Variants in MAST4 observed in about 807,000 individuals in gnomAD.
MAST4 encodes the protein microtubule associated serine/threonine kinase family member 4.
A neutral mutation model predicts 162.7 loss-of-function variants in MAST4; 89 were observed. The ratio of observed to expected loss-of-function variants is 0.55; its 90% CI spans 0.46 to 0.65. The LOEUF is 0.65. MAST4 is among the 30% of genes least tolerant of loss of function. MAST4 has a pLI of 0.00. For missense variants in MAST4, 3,153 were observed against 3,374.0 expected (o/e 0.93, Z 1.62); for synonymous variants, 1,479 against 1,361.1 (o/e 1.09, Z -1.91).
chr5:67,100,168 C>T (rs111879246), intron 7 of MAST4, among the ~76,000 whole-genome samples: 3,026 of 152,162 alleles, frequency 0.02, 104 homozygotes, highest in African/African-American at 0.068. Context: ...TGACTGGTTC[C>T]GATCCATTTT....
At chr5:67,086,983 AG>A (rs1387746198) in intron 5 of MAST4, among the ~76,000 whole-genome samples, 2 of 152,234 alleles carry the variant, frequency 1.3e-5, no homozygotes, top group Admixed American at 1.3e-4. Flanking sequence ...GAGACTGAGT[AG>A]GAGTCAATTT....
At chr5:66,766,272 G>GT (rs576558624) in intron 2 of MAST4, among the ~76,000 whole-genome samples, 3 of 151,840 alleles carry the variant, frequency 2.0e-5, no homozygotes, top group East Asian at 1.9e-4. Context: ...AGAGAGTTGT[G>GT]TTTTTTTTCC....
intron 1 of MAST4, among the ~76,000 whole-genome samples, chr5:66,744,755 G>T (rs1752655945): frequency 6.6e-6 from 1 of 152,134 alleles, no homozygotes; most frequent in African/African-American, 2.4e-5. Flanking sequence ...CATTCATGAA[G>T]GATCTACCCC....
intron 11 of MAST4, among the ~76,000 whole-genome samples, chr5:67,111,148 G>T (rs1283725247): frequency 1.3e-5 from 2 of 152,040 alleles, no homozygotes; most frequent in African/African-American, 2.4e-5. Flanking sequence ...ACAAATATTT[G>T]TCTGTGAACA....
intron 3 of MAST4, among the ~76,000 whole-genome samples, chr5:66,890,106 C>T (rs751230138): frequency 1.1e-4 from 17 of 152,066 alleles, no homozygotes; most frequent in Non-Finnish European, 2.2e-4. Flanking sequence ...AAAAACGACG[C>T]AGAAACTTTT....
At chr5:67,056,963 A>G (rs1452755183) in intron 5 of MAST4, among the ~76,000 whole-genome samples, 2 of 152,142 alleles carry the variant, frequency 1.3e-5, no homozygotes, top group East Asian at 1.9e-4. Context: ...TCAGCCACCC[A>G]AAGTGCTGGG....
intron 3 of MAST4, among the ~76,000 whole-genome samples, chr5:66,794,857 A>C (rs535413820): frequency 1.8e-4 from 28 of 152,316 alleles, no homozygotes; most frequent in South Asian, 1.2e-3. Flanking sequence ...TTAAAACCAA[A>C]CTATTTAAAC....
chr5:66,734,322 G>T (rs1479281128), intron 1 of MAST4, among the ~76,000 whole-genome samples: 1 of 152,152 alleles, frequency 6.6e-6, no homozygotes, highest in Non-Finnish European at 1.5e-5. Context: ...TTATTGGCTG[G>T]CAAGGAAGAA....
intron 1 of MAST4, among the ~76,000 whole-genome samples, chr5:66,722,385 C>G (rs900892818): frequency 6.6e-6 from 1 of 151,664 alleles, no homozygotes; most frequent in African/African-American, 2.4e-5. Context: ...GTTATCTTCT[C>G]CATGCGGCTT....
At chr5:66,718,405 T>C (rs771105866) in intron 1 of MAST4, among the ~76,000 whole-genome samples, 1 of 152,122 alleles carries the variant, frequency 6.6e-6, no homozygotes, top group Non-Finnish European at 1.5e-5. Context: ...TGGTGCCTCC[T>C]GAACCTGAGG....
At chr5:66,900,119 A>T (rs1280836272) in intron 4 of MAST4, 137 bp downstream of exon 4, 1 of 627,964 alleles carries the variant, frequency 1.6e-6, no homozygotes, top group African/African-American at 1.9e-5. Context: ...GAATTTATTT[A>T]TAAAAGTCAA....
intron 3 of MAST4, among the ~76,000 whole-genome samples, chr5:66,874,038 G>A (rs1761125586): frequency 2.0e-5 from 3 of 152,090 alleles, no homozygotes; most frequent in African/African-American, 7.2e-5. Context: ...TGTACTTTGA[G>A]TATAGAAAAA....
chr5:66,976,613 A>G (rs1748173590), intron 4 of MAST4, among the ~76,000 whole-genome samples: 1 of 152,244 alleles, frequency 6.6e-6, no homozygotes, highest in African/African-American at 2.4e-5. Context: ...TGTTTAATGC[A>G]CAGGTCTTTG....
At chr5:66,812,233 A>G (rs1756513968) in intron 3 of MAST4, among the ~76,000 whole-genome samples, 1 of 152,228 alleles carries the variant, frequency 6.6e-6, no homozygotes, top group African/African-American at 2.4e-5. Flanking sequence ...AATCAATAGA[A>G]GATATATTAC....
At chr5:67,140,818 C>G (rs562999065) in intron 19 of MAST4, among the ~76,000 whole-genome samples, 1 of 152,350 alleles carries the variant, frequency 6.6e-6, no homozygotes, top group African/African-American at 2.4e-5. Flanking sequence ...CTCATGCTTA[C>G]AGTCAGACTT....
At chr5:67,078,861 TA>T (rs1395270330) in intron 5 of MAST4, among the ~76,000 whole-genome samples, 5 of 117,254 alleles carry the variant, frequency 4.3e-5, no homozygotes, top group African/African-American at 1.8e-4. Flanking sequence ...TATATTTATA[TA>T]AATATATATT....
intron 4 of MAST4, among the ~76,000 whole-genome samples, chr5:66,929,252 GTC>G (rs1041104847): frequency 4.6e-5 from 7 of 152,168 alleles, no homozygotes; most frequent in African/African-American, 1.7e-4. Context: ...AGGGTGGAGA[GTC>G]TGGAGTTCTG....
intron 1 of MAST4, among the ~76,000 whole-genome samples, chr5:66,728,256 T>C (rs908318567): frequency 6.6e-6 from 1 of 152,190 alleles, no homozygotes; most frequent in Non-Finnish European, 1.5e-5. Flanking sequence ...TGAGCTAAAA[T>C]TAAAGTTCTT....
At chr5:66,703,299 A>G (rs77506514) in intron 1 of MAST4, among the ~76,000 whole-genome samples, 3,249 of 152,336 alleles carry the variant, frequency 0.021, 49 homozygotes, top group Non-Finnish European at 0.033. Flanking sequence ...TGCAGCATTT[A>G]TGGCATGAGC....
Sources: gnomAD v4.1 joint callset for allele counts (sites outside exome capture counted in the v4.1 genomes callset) on GRCh38, gnomAD v4.1.1 for gene constraint, MANE v1.5 for transcripts, NCBI Gene and HGNC (gene_info 2026-07-23, HGNC 2026-07-21) for gene names.